Variants in MAP3K13 observed in about 807,000 individuals in gnomAD.
MAP3K13 encodes mitogen-activated protein kinase kinase kinase 13.
Under a neutral mutation model 104.0 loss-of-function variants are expected in MAP3K13, and 52 were observed. That is an observed-to-expected ratio of 0.50 (90% CI 0.40 to 0.63). The LOEUF (loss-of-function observed/expected upper bound fraction) is 0.63, where lower values mean the gene tolerates loss of function less well. Ranked by LOEUF, MAP3K13 falls within the 20% of genes least tolerant of loss-of-function variation. MAP3K13 has a pLI of 0.00. For missense variants in MAP3K13, 914 were observed against 1,218.5 expected, an observed-to-expected ratio of 0.75 and a Z score of 3.72; for synonymous variants, 394 against 442.2, an observed-to-expected ratio of 0.89 and a Z score of 1.37.
chr3:185,365,550 T>G (rs1324481539), intron 1 of MAP3K13, among the ~76,000 whole-genome samples: 1 of 152,164 alleles, frequency 6.6e-6, no homozygotes, highest in African/African-American at 2.4e-5. Flanking sequence ...ATTAAGTGCT[T>G]GGAGAGCTCA....
chr3:185,438,512 TTAACC>T (rs1577559195), intron 3 of MAP3K13, among the ~76,000 whole-genome samples: 2 of 152,364 alleles, frequency 1.3e-5, no homozygotes, highest in East Asian at 3.9e-4. Context: ...TTCAGCTTTC[TTAACC>T]TAATGATTGT....
chr3:185,354,104 G>A (rs112127205), intron 2 of MAP3K13, among the ~76,000 whole-genome samples: 2,479 of 152,108 alleles, frequency 0.016, 74 homozygotes, highest in African/African-American at 0.056. Flanking sequence ...CTATCATCTG[G>A]TCTAGGAAGA....
In MAP3K13 at chr3:185,423,978, C is replaced by T. The variant is rs544870889; in HGVS notation, c.-85-4519C>T. ...AATCCTACCTCTTTTAGCATTGTTC[C>T]CATCTCTCTTGGCTCTGTAGAACGG... On this transcript the variant is annotated intron_variant, in intron 1 of 13. Transcript: ENST00000265026. This position sits in a 1 kb window ranked among gnomAD's most constrained non-coding sequence, Gnocchi z 4.1. 6.6e-6 allele frequency among the ~76,000 whole-genome samples: 1 copy of T among 152,270 alleles called. No individual in the cohort carries two copies. Among genetic ancestry groups the T allele is most frequent in the East Asian group, 1.9e-4 (1 of 5,178 alleles).
chr3:185,342,515 C>G (rs1428766972), intron 2 of MAP3K13, among the ~76,000 whole-genome samples: 1 of 152,090 alleles, frequency 6.6e-6, no homozygotes, highest in Non-Finnish European at 1.5e-5. Flanking sequence ...TCATAATTCT[C>G]TATCTAATAC....
chr3:185,475,215 T>C (rs1265534787), intron 11 of MAP3K13, among the ~76,000 whole-genome samples: 2 of 151,978 alleles, frequency 1.3e-5, no homozygotes, highest in African/African-American at 4.8e-5. Flanking sequence ...AAAGACTACA[T>C]GCATAAATAC....
chr3:185,389,291 T>C (rs916987575), intron 1 of MAP3K13, among the ~76,000 whole-genome samples: 14 of 152,186 alleles, frequency 9.2e-5, no homozygotes, highest in African/African-American at 3.4e-4. Context: ...ACAATGCTAG[T>C]TGAGTCTTAG....
intron 2 of MAP3K13, among the ~76,000 whole-genome samples, chr3:185,296,390 C>T (rs1720922079): frequency 6.6e-6 from 1 of 152,240 alleles, no homozygotes; most frequent in Non-Finnish European, 1.5e-5. Context: ...CAGCCCAGAT[C>T]TCTTAGCTGA....
At chr3:185,296,554 C>A (rs918792879) in intron 2 of MAP3K13, among the ~76,000 whole-genome samples, 1 of 152,284 alleles carries the variant, frequency 6.6e-6, no homozygotes, top group East Asian at 1.9e-4. Context: ...CCCTCTTTGA[C>A]CATCTTATTT....
intron 1 of MAP3K13, among the ~76,000 whole-genome samples, chr3:185,378,007 G>C (rs113637331): frequency 0.11 from 16,706 of 149,952 alleles, 1,193 homozygotes; most frequent in East Asian, 0.3. Flanking sequence ...CTCCTGGGGT[G>C]GGGGGAGGTT....
chr3:185,346,990 T>G (rs1334451098), intron 2 of MAP3K13, among the ~76,000 whole-genome samples: 2 of 149,488 alleles, frequency 1.3e-5, no homozygotes, highest in Non-Finnish European at 3.0e-5. Context: ...AAAGGAAGTT[T>G]TTTTTTTTTT....
chr3:185,414,747 T>C (rs1205461772), intron 1 of MAP3K13, among the ~76,000 whole-genome samples: 1 of 152,158 alleles, frequency 6.6e-6, no homozygotes, highest in Admixed American at 6.5e-5. Flanking sequence ...TTTTAATGTA[T>C]AGTATAAAAT....
intron 2 of MAP3K13, among the ~76,000 whole-genome samples, chr3:185,294,153 A>G (rs1720839543): frequency 6.6e-6 from 1 of 152,140 alleles, no homozygotes; most frequent in Non-Finnish European, 1.5e-5. Flanking sequence ...AGAAAATGCC[A>G]TTTCTTTTCT....
chr3:185,411,082 A>G (rs1713416194), intron 1 of MAP3K13, among the ~76,000 whole-genome samples: 1 of 152,208 alleles, frequency 6.6e-6, no homozygotes, highest in African/African-American at 2.4e-5. Flanking sequence ...CATCGGAAGC[A>G]AAGTGTTAGG....
chr3:185,419,603 T>G (rs932639484), intron 1 of MAP3K13, among the ~76,000 whole-genome samples: 5 of 152,192 alleles, frequency 3.3e-5, no homozygotes, highest in African/African-American at 1.2e-4. Flanking sequence ...CATTTTAAAT[T>G]TTTATGCCTA....
chr3:185,361,100 G>A (rs10937213), upstream of MAP3K13, among the ~76,000 whole-genome samples: 181 of 11,324 alleles, frequency 0.016, no homozygotes, highest in Non-Finnish European at 0.089. Flanking sequence ...ATATATATAT[G>A]TGTGTGTGTG....
At chr3:185,322,437 G>A (rs1721901446) in intron 2 of MAP3K13, among the ~76,000 whole-genome samples, 1 of 152,032 alleles carries the variant, frequency 6.6e-6, no homozygotes, top group Non-Finnish European at 1.5e-5. Flanking sequence ...TCTTTCTTTT[G>A]TCTTGGTTGC....
intron 1 of MAP3K13, among the ~76,000 whole-genome samples, chr3:185,370,159 AAATCTACTT>A (rs1724082333): frequency 6.6e-6 from 1 of 152,176 alleles, no homozygotes; most frequent in African/African-American, 2.4e-5. Flanking sequence ...AATCTGGCTA[AAATCTACTT>A]TTATTCCAAT....
At position 185,454,651 on chromosome 3, in the gene MAP3K13, ATATATATAT is replaced by A. The variant is rs1374435823; in HGVS notation, c.1278+3257_1278+3265del. On this transcript the variant is annotated intron_variant, in intron 7 of 13. Transcript: ENST00000265026. ...GATATATATATGAGATATATATATG[ATATATATAT>A]GATATATATGAGATATTTATATGAT... Among the ~76,000 whole-genome samples the A allele has an allele frequency of 7.5e-5, 8 of 106,958 alleles. 2 individuals carry two copies. Among genetic ancestry groups the A allele is most frequent in the African/African-American group, 3.0e-4 (8 of 26,688 alleles). The allele number at this position is 106,958 out of a possible 152,430, so 70.2% of individuals were successfully genotyped here.
Position 185,486,495 on chromosome 3 carries a change from T to G in MAP3K13, c.*4039T>G, listed in dbSNP as rs1718723968. 6.6e-6 allele frequency: 1 copy of G among 152,250 alleles called. No individual in the cohort carries two copies. The highest frequency in any genetic ancestry group is 1.5e-5 in the Non-Finnish European group (1 of 68,058). 9.4% of individuals were successfully genotyped at this position (152,250 alleles called of 1,614,324 possible). A position where few individuals can be genotyped will look rare whatever the true frequency, so the allele number is the denominator to read the frequency against. On this transcript the variant is annotated 3_prime_UTR_variant, in exon 14 of 14. Transcript: ENST00000265026. Reference sequence around the variant, plus strand: ...GATAACCGGGAAAATCTTGAATTGATGTATGTTTCTTTGAGAACGACTCCA... The same window carrying G: ...GATAACCGGGAAAATCTTGAATTGAGGTATGTTTCTTTGAGAACGACTCCA...
Sources: gnomAD v4.1 joint callset for allele counts (sites outside exome capture counted in the v4.1 genomes callset) on GRCh38, gnomAD v4.1.1 for gene constraint, Gnocchi (gnomAD v3.1) non-coding constraint, MANE v1.5 for transcripts, NCBI Gene and HGNC (gene_info 2026-07-23, HGNC 2026-07-21) for gene names.